PHF19: variants seen among roughly 807,000 people sequenced by gnomAD.
PHF19 encodes PHD finger protein 19, also known as polycomb like 3.
In PHF19, 21 loss-of-function variants were observed where a neutral mutation model predicts 79.8. The observed-to-expected ratio is 0.26, with a 90% CI of 0.19 to 0.38. The LOEUF (loss-of-function observed/expected upper bound fraction) is 0.38, where lower values mean the gene tolerates loss of function less well. PHF19 is among the 10% of genes least tolerant of loss of function. The pLI is 1.00. For synonymous variants in PHF19, 273 were observed against 296.3 expected, an observed-to-expected ratio of 0.92 and a Z score of 0.81; for missense variants, 445 against 744.2, an observed-to-expected ratio of 0.60 and a Z score of 4.68.
chr9:120,884,105 C>G (rs1226939343), intron 1 of PHF19, among the ~76,000 whole-genome samples: 2 of 152,158 alleles, frequency 1.3e-5, no homozygotes, highest in Non-Finnish European at 2.9e-5. Flanking sequence ...TTTGACCCAC[C>G]AAAAGCTGCA....
At chr9:120,885,364 G>C (rs1046701012) in intron 1 of PHF19, among the ~76,000 whole-genome samples, 1 of 152,056 alleles carries the variant, frequency 6.6e-6, no homozygotes, top group Non-Finnish European at 1.5e-5. Context: ...CAGATCATGA[G>C]GTCAAAAGTT....
At chr9:120,887,072 A>AG (rs1166557408) in intron 1 of PHF19, among the ~76,000 whole-genome samples, 26 of 135,846 alleles carry the variant, frequency 1.9e-4, no homozygotes, top group Non-Finnish European at 3.6e-4. Flanking sequence ...TCTAAAAAAA[A>AG]AAAAAGAAAA....
chr9:120,874,793 C>A lies in PHF19; in HGVS notation c.-15-37G>T, dbSNP rs770558396. The A allele has an allele frequency of 7.1e-7, 1 of 1,412,958 alleles. No individual in the cohort carries two copies. Among genetic ancestry groups the A allele is most frequent in the East Asian group, 2.3e-5 (1 of 43,838 alleles). The allele number at this position is 1,412,958 out of a possible 1,614,324, so 87.5% of individuals were successfully genotyped here. The stretch of plus-strand genomic sequence containing the variant: ...AGAACAGGGTTTTTGCTTCTTGCTT[C>A]CCTGCTTCAGAAAGCCCATCAGGGG... On this transcript the variant is annotated intron_variant, in intron 1 of 14. Coordinates refer to ENST00000373896, the MANE Select transcript of PHF19 (RefSeq NM_015651.3). This position sits in a 1 kb window ranked among gnomAD's most constrained non-coding sequence, Gnocchi z 4.5.
At chr9:120,886,921 T>A (rs987163547) in intron 1 of PHF19, among the ~76,000 whole-genome samples, 7 of 149,832 alleles carry the variant, frequency 4.7e-5, no homozygotes, top group African/African-American at 1.7e-4. Context: ...TACAAAAAAA[T>A]TAGCCGGGTG....
intron 1 of PHF19, chr9:120,875,968 T>C (rs1588124098): frequency 6.6e-6 from 1 of 152,622 alleles, no homozygotes; most frequent in Non-Finnish European, 1.5e-5. Context: ...CTCCTCCTTG[T>C]GGCCATGGCG....
intron 1 of PHF19, among the ~76,000 whole-genome samples, chr9:120,887,402 C>T (rs1053313837): frequency 6.6e-6 from 1 of 152,082 alleles, no homozygotes; most frequent in Non-Finnish European, 1.5e-5. Flanking sequence ...TGCAGTGAGC[C>T]GAGATCACGC....
At chr9:120,885,875 T>C (rs2046256196) in intron 1 of PHF19, among the ~76,000 whole-genome samples, 1 of 152,230 alleles carries the variant, frequency 6.6e-6, no homozygotes, top group Non-Finnish European at 1.5e-5. Flanking sequence ...CTAAGTGACC[T>C]TCAGGACCTC....
chr9:120,876,397 GC>G (rs2046053340), intron 1 of PHF19: 2 of 152,036 alleles, frequency 1.3e-5, no homozygotes, highest in Non-Finnish European at 2.9e-5. Flanking sequence ...CTAGGAGCCG[GC>G]CGGGTCGCCG....
At chr9:120,894,949 C>G, upstream of PHF19, 2 of 437,550 alleles carry the variant, frequency 4.6e-6, no homozygotes, top group Non-Finnish European at 7.4e-6. Flanking sequence ...AGTCCGCCAG[C>G]CTCGGCTCCA....
chr9:120,866,120 C>T lies in PHF19; in HGVS notation c.711-24G>A, dbSNP rs771115697. On this transcript the variant is annotated intron_variant, in intron 7 of 14. Transcript: ENST00000373896. This position sits in a 1 kb window ranked among gnomAD's most constrained non-coding sequence, Gnocchi z 5.2. Reference sequence around the variant, plus strand: ...ACCTGTGGGTGGGTAGAGACGGGGGCCTATGGTGGGAGGGGCTCTGACACC... The same window carrying T: ...ACCTGTGGGTGGGTAGAGACGGGGGTCTATGGTGGGAGGGGCTCTGACACC... The T allele has an allele frequency of 1.0e-5, 16 of 1,592,414 alleles. No homozygotes were observed. Among genetic ancestry groups the T allele is most frequent in the Admixed American group, 1.7e-5 (1 of 59,942 alleles).
chr9:120,896,165 A>G (rs961732031), upstream of PHF19, among the ~76,000 whole-genome samples: 6 of 152,176 alleles, frequency 3.9e-5, no homozygotes, highest in East Asian at 9.6e-4. Context: ...AAGGGGAGGA[A>G]TTATGTAACA....
At chr9:120,896,604 A>G (rs2046404685), upstream of PHF19, among the ~76,000 whole-genome samples, 1 of 151,308 alleles carries the variant, frequency 6.6e-6, no homozygotes, top group Admixed American at 6.6e-5. Context: ...GGCACGCGCC[A>G]CCACGCCCGG....
chr9:120,859,892 C>T (rs1588087948), intron 14 of PHF19, among the ~76,000 whole-genome samples, 198 bp downstream of exon 14: 1 of 152,206 alleles, frequency 6.6e-6, no homozygotes, highest in African/African-American at 2.4e-5. Flanking sequence ...AATGCCTATA[C>T]TTAGGTCCCA....
chr9:120,881,358 A>G (rs1363551141), upstream of PHF19, among the ~76,000 whole-genome samples: 1 of 152,078 alleles, frequency 6.6e-6, no homozygotes, highest in Non-Finnish European at 1.5e-5. Context: ...CGTGTTAGCC[A>G]AGATGGTCTT....
At position 120,869,046 on chromosome 9, in the gene PHF19, C is replaced by G. The variant is rs2045805783; in HGVS notation, c.614+136G>C. 1.0e-6 allele frequency: 1 copy of G among 962,624 alleles called. No individual in the cohort carries two copies. 59.6% of individuals were successfully genotyped at this position (962,624 alleles called of 1,614,324 possible). A position where few individuals can be genotyped will look rare whatever the true frequency, so the allele number is the denominator to read the frequency against. ...CCCGCCCCTCGAGGCCCCGCCCCCA[C>G]AGCGCAACACACTGGGCCCGCCCTC... is the stretch of plus-strand genomic sequence containing the variant. On this transcript the variant is annotated intron_variant, in intron 6 of 14. Coordinates refer to ENST00000373896, the MANE Select transcript of PHF19 (RefSeq NM_015651.3). The surrounding 1 kb of genome is among the most constrained non-coding windows in gnomAD (Gnocchi z 5.8).
intron 1 of PHF19, among the ~76,000 whole-genome samples, chr9:120,889,561 C>T (rs1357159396): frequency 1.3e-4 from 19 of 150,322 alleles, no homozygotes; most frequent in Non-Finnish European, 2.1e-4. Flanking sequence ...GGCCACATGG[C>T]GAAACCCTGC....
intron 3 of PHF19, among the ~76,000 whole-genome samples, chr9:120,871,762 G>A (rs3933327): frequency 0.5 from 76,197 of 151,936 alleles, 21,523 homozygotes; most frequent in South Asian, 0.76. Context: ...CTCTTCGGCC[G>A]GGCGCAGTGG....
chr9:120,883,039 A>T (rs572667008), intron 1 of PHF19, among the ~76,000 whole-genome samples: 1 of 152,120 alleles, frequency 6.6e-6, no homozygotes, highest in African/African-American at 2.4e-5. Context: ...TTCAGATTAC[A>T]GTAGAAAGCA....
chr9:120,865,791 T>C lies in PHF19; in HGVS notation c.819A>G (p.Val273=), dbSNP rs751951373. 2.9e-5 allele frequency: 47 copies of C among 1,614,142 alleles called. No homozygotes were observed. Among genetic ancestry groups the C allele is most frequent in the Non-Finnish European group, 3.7e-5 (44 of 1,179,988 alleles). ...VVHLALYNLG[V]QSKKKYFDFE... is the part of the protein sequence containing the mutation. Reference sequence around the variant, plus strand: ...AGTCAAAGTACTTCTTCTTGCTCTGTACCCCCAGATTATAGAGGGCCAGGT... The same window carrying C: ...AGTCAAAGTACTTCTTCTTGCTCTGCACCCCCAGATTATAGAGGGCCAGGT... The change falls in exon 9 of 15, where the codon GTA becomes GTG. Residue 273 remains valine, a synonymous_variant. Transcript: ENST00000373896.
Sources: allele counts gnomAD v4.1 joint callset (sites outside exome capture counted in the v4.1 genomes callset), GRCh38; gene constraint gnomAD v4.1.1; non-coding constraint Gnocchi (gnomAD v3.1); transcripts MANE v1.5; gene names NCBI Gene and HGNC (gene_info 2026-07-23, HGNC 2026-07-21).